Variants in DRGX observed in about 807,000 individuals in gnomAD.
DRGX encodes the protein dorsal root ganglia homeobox.
DRGX carries 21 observed loss-of-function variants against 28.6 expected under a neutral mutation model. That is an observed-to-expected ratio of 0.73 (90% confidence interval 0.52 to 1.06). The LOEUF is 1.06. Ranked by LOEUF, DRGX falls within the 50% of genes least tolerant of loss-of-function variation. DRGX has a pLI of 0.00. For synonymous variants in DRGX, 136 were observed against 139.1 expected (o/e 0.98, Z 0.16); for missense variants, 354 against 343.9 (o/e 1.03, Z -0.23).
chr10:49,390,216 C>A lies in DRGX; in HGVS notation c.151G>T (p.Val51Phe), dbSNP rs759903053. 1 of 1,611,642 alleles carries A rather than the reference C, an allele frequency of 6.2e-7. No individual in the cohort carries two copies. The highest frequency in any genetic ancestry group is 8.5e-7 in the Non-Finnish European group (1 of 1,178,944). The change falls in exon 4 of 7, where the codon GTT becomes TTT. Residue 51 changes from valine (V) to phenylalanine (F), a missense_variant. Physicochemically the swap from Val to Phe is conservative, Grantham distance 50. Transcript: ENST00000374139. ...TLQQLEALEA[V>F]FAQTHYPDVF... ...TCTGGATAGTGTGTTTGGGCAAAAA[C>A]GGCCTCGAGAGCTTCCAGCTGGTAA...
intron 6 of DRGX, among the ~76,000 whole-genome samples, chr10:49,384,955 T>C (rs1849815481): frequency 6.6e-6 from 1 of 152,226 alleles, no homozygotes; most frequent in Admixed American, 6.5e-5. Flanking sequence ...GGAGCTGACC[T>C]GGCCCTTGTC....
chr10:49,383,295 G>A (rs866673797), intron 6 of DRGX, among the ~76,000 whole-genome samples: 1 of 152,130 alleles, frequency 6.6e-6, no homozygotes, highest in Admixed American at 6.5e-5. Context: ...TTCCATAATC[G>A]CTCACTTGCC....
intron 6 of DRGX, among the ~76,000 whole-genome samples, chr10:49,372,876 A>G (rs1849675380): frequency 6.6e-6 from 1 of 152,230 alleles, no homozygotes; most frequent in African/African-American, 2.4e-5. Flanking sequence ...TGCCAAGAGA[A>G]TTTTGAAGAG....
chr10:49,376,190 A>G (rs1440469172), intron 6 of DRGX, among the ~76,000 whole-genome samples: 4 of 152,082 alleles, frequency 2.6e-5, no homozygotes, highest in Admixed American at 2.6e-4. Context: ...CCCCCACTAT[A>G]TTCTGCAGAA....
chr10:49,377,836 T>G (rs1426928932), intron 6 of DRGX, among the ~76,000 whole-genome samples: 1 of 152,228 alleles, frequency 6.6e-6, no homozygotes, highest in Admixed American at 6.5e-5. Context: ...CAACAGTTGC[T>G]ATTTTATAAT....
intron 6 of DRGX, among the ~76,000 whole-genome samples, chr10:49,376,894 A>G (rs1798854391): frequency 1.3e-5 from 2 of 152,028 alleles, no homozygotes; most frequent in African/African-American, 2.4e-5. Context: ...GTTTGCTTCT[A>G]TGAGAGTCCA....
chr10:49,370,814 G>A (rs1849651172), intron 6 of DRGX, among the ~76,000 whole-genome samples: 1 of 152,212 alleles, frequency 6.6e-6, no homozygotes, highest in Non-Finnish European at 1.5e-5. Flanking sequence ...ACTACACAAA[G>A]GAGACATGGC....
intron 6 of DRGX, among the ~76,000 whole-genome samples, chr10:49,374,713 C>T (rs879258663): frequency 1.3e-5 from 2 of 152,178 alleles, no homozygotes; most frequent in South Asian, 2.1e-4. Context: ...ATCTCCTTGG[C>T]AGTTTAATTG....
intron 2 of DRGX, among the ~76,000 whole-genome samples, chr10:49,392,114 C>T (rs1015326740): frequency 2.0e-5 from 3 of 152,246 alleles, no homozygotes; most frequent in Admixed American, 6.5e-5. Context: ...TCCAAATGTG[C>T]TCTATTTACT....
intron 6 of DRGX, among the ~76,000 whole-genome samples, chr10:49,367,188 G>A (rs549847391): frequency 2.0e-5 from 3 of 151,940 alleles, no homozygotes; most frequent in African/African-American, 2.4e-5. Flanking sequence ...AGACCCTATC[G>A]CTACAAAATA....
chr10:49,367,407 GA>G (rs1278039861), intron 6 of DRGX, among the ~76,000 whole-genome samples: 1 of 152,150 alleles, frequency 6.6e-6, no homozygotes, highest in Non-Finnish European at 1.5e-5. Flanking sequence ...GAAAAGAAAA[GA>G]AAAACATTAT....
chr10:49,373,150 G>A (rs1260154074), intron 6 of DRGX, among the ~76,000 whole-genome samples: 2 of 152,146 alleles, frequency 1.3e-5, no homozygotes, highest in African/African-American at 4.8e-5. Context: ...TAGCTACTAA[G>A]GAAGTCATCC....
At chr10:49,375,603 T>C (rs774385450) in intron 6 of DRGX, among the ~76,000 whole-genome samples, 2 of 152,178 alleles carry the variant, frequency 1.3e-5, no homozygotes, top group African/African-American at 2.4e-5. Flanking sequence ...AGGCCTCTGT[T>C]TCGACAATTA....
chr10:49,378,841 G>C (rs1017685256), intron 6 of DRGX, among the ~76,000 whole-genome samples: 3 of 152,082 alleles, frequency 2.0e-5, no homozygotes, highest in African/African-American at 7.2e-5. Flanking sequence ...AATACATACT[G>C]TAAGACTCCA....
chr10:49,383,871 A>C (rs1849803775), intron 6 of DRGX, among the ~76,000 whole-genome samples: 2 of 152,246 alleles, frequency 1.3e-5, no homozygotes, highest in South Asian at 4.1e-4. Context: ...TCTGTGTCTA[A>C]GCCACCCAGC....
intron 6 of DRGX, among the ~76,000 whole-genome samples, chr10:49,385,523 A>G (rs1849822578): frequency 6.6e-6 from 1 of 151,932 alleles, no homozygotes. Flanking sequence ...AGACTCCATC[A>G]TATTCTCCTT....
chr10:49,384,924 T>C (rs1849815147), intron 6 of DRGX, among the ~76,000 whole-genome samples: 1 of 152,160 alleles, frequency 6.6e-6, no homozygotes, highest in Non-Finnish European at 1.5e-5. Flanking sequence ...CCCTCATTTG[T>C]AAAAGAGAAG....
chr10:49,366,008 C>T lies in DRGX; in HGVS notation c.*108G>A, dbSNP rs1226018492. On this transcript the variant is annotated 3_prime_UTR_variant, in exon 7 of 7. Transcript: ENST00000374139. ...TGCCCGTCCTGGGTCCATGCAGAGGCCCTGGGGCCGCAGGCTTCTCCTTGC... is the reference window on the plus strand; with the variant it reads ...TGCCCGTCCTGGGTCCATGCAGAGGTCCTGGGGCCGCAGGCTTCTCCTTGC... 7.3e-7 allele frequency: 1 copy of T among 1,367,362 alleles called. No homozygotes were observed. Among genetic ancestry groups the T allele is most frequent in the Non-Finnish European group, 9.6e-7 (1 of 1,038,340 alleles). 84.7% of individuals were successfully genotyped at this position (1,367,362 alleles called of 1,614,324 possible).
chr10:49,376,874 G>T (rs1478983766), intron 6 of DRGX, among the ~76,000 whole-genome samples: 1 of 152,064 alleles, frequency 6.6e-6, no homozygotes, highest in Non-Finnish European at 1.5e-5. Context: ...CCCATACTTT[G>T]TATGCCATTG....
Sources: allele counts gnomAD v4.1 joint callset (sites outside exome capture counted in the v4.1 genomes callset), GRCh38; gene constraint gnomAD v4.1.1; transcripts MANE v1.5; gene names NCBI Gene and HGNC (gene_info 2026-07-23, HGNC 2026-07-21).